WASF1: variants seen among roughly 807,000 people sequenced by gnomAD.
WASF1 encodes the protein actin-binding protein WASF1.
Under a neutral mutation model 50.5 loss-of-function variants are expected in WASF1, and 7 were observed. The observed-to-expected ratio is 0.14, with a 90% CI of 0.08 to 0.26. WASF1 has a LOEUF of 0.26. WASF1 is among the 10% of genes least tolerant of loss of function. The probability of loss-of-function intolerance (pLI) is 1.00; values close to 1 mark genes in which losing one functional copy is unlikely to be tolerated. For missense variants in WASF1, 470 were observed against 694.7 expected, an observed-to-expected ratio of 0.68 and a Z score of 3.64; for synonymous variants, 205 against 244.0, an observed-to-expected ratio of 0.84 and a Z score of 1.49.
At chr6:110,141,514 G>A (rs1433559753) in intron 3 of WASF1, among the ~76,000 whole-genome samples, 1 of 152,030 alleles carries the variant, frequency 6.6e-6, no homozygotes, top group Non-Finnish European at 1.5e-5. Flanking sequence ...ATCCACAAAT[G>A]CATCTACCGA....
At chr6:110,151,438 TAAAC>T (rs749135221) in intron 3 of WASF1, among the ~76,000 whole-genome samples, 1 of 152,164 alleles carries the variant, frequency 6.6e-6, no homozygotes, top group Non-Finnish European at 1.5e-5. Flanking sequence ...TTCTAGGAAA[TAAAC>T]AAGGTGGAGA....
chr6:110,124,270 CTCTCTATATATATATATATA>C (rs1227871461), intron 4 of WASF1, among the ~76,000 whole-genome samples: 4 of 52,468 alleles, frequency 7.6e-5, no homozygotes, highest in African/African-American at 4.4e-4. Context: ...CTCTCTCTCT[CTCTCTATATATATATATATA>C]TATATATATA....
intron 5 of WASF1, among the ~76,000 whole-genome samples, chr6:110,111,273 TA>T (rs1351857731): frequency 9.2e-5 from 14 of 152,142 alleles, no homozygotes; most frequent in Non-Finnish European, 1.9e-4. Context: ...AGCATGACCA[TA>T]AAATATTTTT....
intron 4 of WASF1, among the ~76,000 whole-genome samples, chr6:110,116,998 T>A (rs1773842462): frequency 6.6e-6 from 1 of 151,948 alleles, no homozygotes; most frequent in South Asian, 2.1e-4. Context: ...AAACCCCCTC[T>A]GTAGGTCACC....
At chr6:110,167,081 T>G (rs768439063) in intron 2 of WASF1, among the ~76,000 whole-genome samples, 2 of 151,844 alleles carry the variant, frequency 1.3e-5, no homozygotes, top group Non-Finnish European at 2.9e-5. Flanking sequence ...GTAGCCATCA[T>G]GCAGTGTTAG....
At position 110,178,703 on chromosome 6, in the gene WASF1, T is replaced by C. The variant is rs1030079581; in HGVS notation, c.-232A>G. ...GTTATTCCAGTTCATCATCCGCAAG[T>C]GCAAGAGAAGGTGTCAGAGTACCGA... On this transcript the variant is annotated 5_prime_UTR_variant, in exon 2 of 11. Coordinates refer to ENST00000392589, the MANE Select transcript of WASF1 (RefSeq NM_003931.3). 3 of 152,768 alleles carry C rather than the reference T, an allele frequency of 2.0e-5. No individual in the cohort carries two copies. The highest frequency in any genetic ancestry group is 7.2e-5 in the African/African-American group (3 of 41,430). The allele number at this position is 152,768 out of a possible 1,614,324, so 9.5% of individuals were successfully genotyped here.
chr6:110,144,279 T>C (rs985306889), intron 3 of WASF1, among the ~76,000 whole-genome samples: 3 of 152,348 alleles, frequency 2.0e-5, no homozygotes, highest in African/African-American at 7.2e-5. Flanking sequence ...AAGTGTCTGT[T>C]CATATCCTTT....
intron 4 of WASF1, among the ~76,000 whole-genome samples, chr6:110,118,698 T>C (rs576310143): frequency 3.9e-5 from 6 of 152,266 alleles, no homozygotes; most frequent in East Asian, 3.9e-4. Flanking sequence ...GCAGACCTAA[T>C]AGACATCTAC....
At chr6:110,115,919 C>T (rs150693333) in intron 4 of WASF1, among the ~76,000 whole-genome samples, 70 of 152,136 alleles carry the variant, frequency 4.6e-4, no homozygotes, top group African/African-American at 1.5e-3. Flanking sequence ...GGGGATGAAG[C>T]GTGGCAAGGT....
intron 3 of WASF1, among the ~76,000 whole-genome samples, chr6:110,136,951 T>G (rs1021650515): frequency 6.6e-6 from 1 of 152,216 alleles, no homozygotes; most frequent in Non-Finnish European, 1.5e-5. Context: ...CCTCTAATTT[T>G]TCCTTATGAC....
chr6:110,153,880 A>G lies in WASF1; in HGVS notation c.-29+6755T>C, dbSNP rs916786101. On this transcript the variant is annotated intron_variant, in intron 3 of 10. Transcript: ENST00000392589. Reference sequence around the variant, plus strand: ...ATGCTATACGCCTGGATTTAAAAATACTCAATTAGAATGAATAGAATATTA... The same window carrying G: ...ATGCTATACGCCTGGATTTAAAAATGCTCAATTAGAATGAATAGAATATTA... Among the ~76,000 whole-genome samples, 20 of 152,152 alleles carry G rather than the reference A, an allele frequency of 1.3e-4. 1 individual carries two copies. Among genetic ancestry groups the G allele is most frequent in the Admixed American group, 3.9e-4 (6 of 15,256 alleles).
intron 5 of WASF1, 115 bp downstream of exon 5, chr6:110,113,211 A>T (rs2114476493): frequency 3.2e-6 from 3 of 937,608 alleles, no homozygotes; most frequent in Non-Finnish European, 2.9e-6. Flanking sequence ...TATGTACACC[A>T]AAGGACATGG....
chr6:110,169,536 C>A (rs924676550), intron 2 of WASF1, among the ~76,000 whole-genome samples: 18 of 152,134 alleles, frequency 1.2e-4, no homozygotes, highest in African/African-American at 4.3e-4. Flanking sequence ...CAGCCATTTT[C>A]ATTCAACTCC....
intron 2 of WASF1, among the ~76,000 whole-genome samples, chr6:110,163,985 G>C (rs1484669159): frequency 6.6e-6 from 1 of 151,640 alleles, no homozygotes; most frequent in Non-Finnish European, 1.5e-5. Context: ...AACAAATGAT[G>C]CTGGAATTGG....
In WASF1 at chr6:110,100,697, A is replaced by C. The variant is rs1461165601; in HGVS notation, c.1523-18T>G. 1 of 1,584,902 alleles carries C rather than the reference A, an allele frequency of 6.3e-7. No individual in the cohort carries two copies. The highest frequency in any genetic ancestry group is 1.2e-5 in the South Asian group (1 of 86,232). On this transcript the variant is annotated intron_variant, in intron 10 of 10. Transcript: ENST00000392589. ...CTGAATACCTGATACAGTGAATCCA[A>C]ACCATTCATTTAAATCAAAATACTA...
intron 2 of WASF1, among the ~76,000 whole-genome samples, chr6:110,161,369 A>C (rs1776256132): frequency 6.6e-6 from 1 of 151,452 alleles, no homozygotes; most frequent in Non-Finnish European, 1.5e-5. Context: ...TAGCAATGAA[A>C]CTCATCCAAA....
chr6:110,105,513 C>T lies in WASF1; in HGVS notation c.607G>A (p.Glu203Lys). The part of the protein sequence containing the change: ...VPRAPHDRRR[E>K]WQKLAQGPEL... ...GGACCTTGGGCCAGCTTCTGCCATT[C>T]TCGCCGCCTGTCATGAGGTGCTCTT... Residue 203 changes from glutamate (E) to lysine (K), a missense_variant, in exon 8 of 11, where the codon GAA (glutamate) becomes AAA (lysine). Physicochemically the swap from Glu to Lys is moderately conservative, Grantham distance 56 (BLOSUM62 1). Around this residue, in one of 3 missense-constraint regions of WASF1, gnomAD observed 140 missense variants for 260.5 expected, o/e 0.54. Transcript: ENST00000392589. 6.2e-7 allele frequency: 1 copy of T among 1,614,030 alleles called. No homozygotes were observed. The highest frequency in any genetic ancestry group is 8.5e-7 in the Non-Finnish European group (1 of 1,179,936).
At chr6:110,154,382 T>C (rs562990534) in intron 3 of WASF1, among the ~76,000 whole-genome samples, 7 of 152,212 alleles carry the variant, frequency 4.6e-5, no homozygotes, top group Admixed American at 6.6e-5. Flanking sequence ...AAGTAATTTA[T>C]TGATTTCCTT....
At chr6:110,112,816 C>G (rs1773621651) in intron 5 of WASF1, among the ~76,000 whole-genome samples, 1 of 149,422 alleles carries the variant, frequency 6.7e-6, no homozygotes, top group East Asian at 2.0e-4. Flanking sequence ...AGGAGAATTG[C>G]TTGAACCTGG....
Sources: allele counts gnomAD v4.1 joint callset (sites outside exome capture counted in the v4.1 genomes callset), GRCh38; gene constraint gnomAD v4.1.1; regional missense constraint gnomAD v4.1.1; transcripts MANE v1.5; gene names NCBI Gene and HGNC (gene_info 2026-07-23, HGNC 2026-07-21).